The following CAPN14 variants were observed in gnomAD, a reference collection of about 807,000 sequenced individuals.
CAPN14 encodes the protein calpain 14, also known as calpain-14.
In CAPN14, 94 loss-of-function variants were observed where a neutral mutation model predicts 101.3. That is an observed-to-expected ratio of 0.93 (90% CI 0.79 to 1.10). The LOEUF (loss-of-function observed/expected upper bound fraction) is 1.10, where lower values mean the gene tolerates loss of function less well. Ranked by LOEUF, CAPN14 falls within the 50% of genes least tolerant of loss-of-function variation. The pLI is 0.00. For missense variants in CAPN14, 837 were observed against 828.4 expected (o/e 1.01, Z -0.13); for synonymous variants, 338 against 317.9 (o/e 1.06, Z -0.67).
chr2:31,222,726 T>C (rs1382986029), intron 2 of CAPN14, among the ~76,000 whole-genome samples: 1 of 152,196 alleles, frequency 6.6e-6, no homozygotes, highest in Non-Finnish European at 1.5e-5. Context: ...CTAGGTGTGA[T>C]TGGTCTACAG....
intron 9 of CAPN14, 109 bp from the exon 10 acceptor site, chr2:31,193,403 G>C: frequency 1.8e-6 from 2 of 1,083,606 alleles, no homozygotes; most frequent in Non-Finnish European, 1.3e-6. Context: ...CCCTCTCATG[G>C]ACAAAGACAC....
At chr2:31,214,393 C>T (rs535512421) in intron 1 of CAPN14, among the ~76,000 whole-genome samples, 15 of 152,332 alleles carry the variant, frequency 9.8e-5, no homozygotes, top group Admixed American at 5.9e-4. Flanking sequence ...TAACATCCTT[C>T]CCCTCCAAAA....
intron 1 of CAPN14, among the ~76,000 whole-genome samples, chr2:31,232,034 T>C (rs761080708): frequency 6.6e-6 from 1 of 152,212 alleles, no homozygotes; most frequent in African/African-American, 2.4e-5. Flanking sequence ...TCGGGAGATC[T>C]GAGATGTAAC....
Position 31,224,633 on chromosome 2 carries a change from C to T in CAPN14, c.-53+1895G>A, listed in dbSNP as rs545681810. Among the ~76,000 whole-genome samples, 67 of 151,938 alleles carry T rather than the reference C, an allele frequency of 4.4e-4. 3 individuals are homozygous for T. In the South Asian group the frequency reaches 7.3e-3, roughly 17 times the overall value. Reference sequence around the variant, plus strand: ...AAAAAGAAAAGCACTGGTTGATAATCTTTATGTAAGTAGAAAAACAAAGAA... The same window carrying T: ...AAAAAGAAAAGCACTGGTTGATAATTTTTATGTAAGTAGAAAAACAAAGAA... On this transcript the variant is annotated intron_variant and NMD_transcript_variant, in intron 2 of 21. Coordinates refer to the CAPN14 transcript ENST00000398824.
chr2:31,233,495 A>C (rs1683258430), intron 1 of CAPN14, among the ~76,000 whole-genome samples: 1 of 152,130 alleles, frequency 6.6e-6, no homozygotes, highest in Admixed American at 6.5e-5. Flanking sequence ...CTCCTCTTTA[A>C]AGCCTGCCTT....
intron 9 of CAPN14, among the ~76,000 whole-genome samples, chr2:31,193,553 G>A (rs932914755): frequency 6.6e-6 from 1 of 152,222 alleles, no homozygotes; most frequent in Non-Finnish European, 1.5e-5. Context: ...ATGGCTGACC[G>A]GGGGAGATGT....
chr2:31,225,005 G>C (rs1682978168), intron 2 of CAPN14, among the ~76,000 whole-genome samples: 1 of 152,024 alleles, frequency 6.6e-6, no homozygotes, highest in African/African-American at 2.4e-5. Context: ...TTTTGTAGGA[G>C]AGAGAAGACA....
At chr2:31,205,594 G>T (rs1323073871) in intron 1 of CAPN14, 95 bp from the exon 2 acceptor site, 3 of 695,980 alleles carry the variant, frequency 4.3e-6, no homozygotes, top group African/African-American at 3.6e-5. Flanking sequence ...AATGGGAGCG[G>T]AGAAGTCAGC....
At position 31,177,188 on chromosome 2, in the gene CAPN14, C is replaced by A. The variant is rs372122223; in HGVS notation, c.1856-46G>T. On this transcript the variant is annotated intron_variant, in intron 19 of 21. Transcript: ENST00000403897. ...TGCTGTGGGTATTGGGGGCTTGCAC[C>A]CAGCTCCCCTCCTGCTCAAGGCCCC... The A allele has an allele frequency of 4.4e-6, 6 of 1,352,676 alleles. No homozygotes were observed. In the Admixed American group the frequency reaches 1.0e-4, roughly 23 times the overall value. The allele number at this position is 1,352,676 out of a possible 1,614,324, so 83.8% of individuals were successfully genotyped here. A position where few individuals can be genotyped will look rare whatever the true frequency, so the allele number is the denominator to read the frequency against.
chr2:31,223,297 A>G (rs1040096194), intron 2 of CAPN14, among the ~76,000 whole-genome samples: 1 of 152,214 alleles, frequency 6.6e-6, no homozygotes, highest in Admixed American at 6.5e-5. Flanking sequence ...CTCACCCTCT[A>G]TCCAGAGTTT....
chr2:31,178,207 A>T (rs1471438114), intron 18 of CAPN14, among the ~76,000 whole-genome samples: 1 of 152,184 alleles, frequency 6.6e-6, no homozygotes. Context: ...TTTATGAAAG[A>T]CTTTAAATGC....
rs946426078 is a variant in CAPN14 at position 31,228,733 on chromosome 2, G to A, written c.-176-2082C>T. Among the ~76,000 whole-genome samples, 12 of 152,174 alleles carry A rather than the reference G, an allele frequency of 7.9e-5. No individual in the cohort carries two copies. The East Asian group carries it at 2.1e-3, about 27-fold the overall frequency. On this transcript the variant is annotated intron_variant and NMD_transcript_variant, in intron 1 of 21. Transcript: ENST00000398824. ...CTAATACATACTGAACACTTTCAAT[G>A]GCACTTTACATGCACGGTCCCTTTA...
At chr2:31,224,765 A>G (rs746633705) in intron 2 of CAPN14, among the ~76,000 whole-genome samples, 3 of 151,972 alleles carry the variant, frequency 2.0e-5, no homozygotes, top group Admixed American at 6.5e-5. Flanking sequence ...TAATAGAAAT[A>G]TTTCATTTGT....
intron 3 of CAPN14, 63 bp downstream of exon 3, chr2:31,203,007 G>T: frequency 7.2e-7 from 1 of 1,397,132 alleles, no homozygotes; most frequent in Non-Finnish European, 9.9e-7. Context: ...CAACCACTCT[G>T]TCTTGGCCAG....
chr2:31,221,746 G>A (rs927415306), upstream of CAPN14, among the ~76,000 whole-genome samples: 3 of 152,160 alleles, frequency 2.0e-5, no homozygotes, highest in Non-Finnish European at 4.4e-5. Flanking sequence ...TTGGGGTATA[G>A]TCGGAAAGAA....
intron 17 of CAPN14, 95 bp from the exon 18 acceptor site, chr2:31,178,674 G>A: frequency 2.5e-6 from 2 of 792,524 alleles, no homozygotes; most frequent in Admixed American, 6.5e-5. Flanking sequence ...TGCAATTTGT[G>A]GATGGCCTCA....
At chr2:31,202,023 TGAATGAG>T (rs2148690650) in intron 4 of CAPN14, 25 bp from the exon 5 acceptor site, 1 of 1,550,662 alleles carries the variant, frequency 6.4e-7, no homozygotes. Context: ...TGGCCCCGGG[TGAATGAG>T]GACTGCTGCA....
intron 17 of CAPN14, among the ~76,000 whole-genome samples, chr2:31,180,389 A>G (rs1680530688): frequency 6.6e-6 from 1 of 152,180 alleles, no homozygotes; most frequent in African/African-American, 2.4e-5. Flanking sequence ...ATGATCAAAC[A>G]TTGATTACAA....
chr2:31,194,732 T>C (rs568871429), intron 8 of CAPN14, among the ~76,000 whole-genome samples: 103 of 152,292 alleles, frequency 6.8e-4, no homozygotes, highest in Non-Finnish European at 9.8e-4. Flanking sequence ...TGTTAGAGAT[T>C]AGGAAACTGA....
Sources: gnomAD v4.1 joint callset for allele counts (sites outside exome capture counted in the v4.1 genomes callset) on GRCh38, gnomAD v4.1.1 for gene constraint, MANE v1.5 for transcripts, NCBI Gene and HGNC (gene_info 2026-07-23, HGNC 2026-07-21) for gene names.